OCM: variants seen among roughly 807,000 people sequenced by gnomAD.
OCM encodes oncomodulin, also known as oncomodulin-1.
A neutral mutation model predicts 14.1 loss-of-function variants in OCM; 18 were observed. That is an observed-to-expected ratio of 1.28 (90% CI 0.88 to 1.89). OCM has a LOEUF of 1.89. Ranked by LOEUF, OCM falls within the 40% of genes most tolerant of loss-of-function variation. OCM has a pLI of 0.00. For synonymous variants in OCM, 48 were observed against 51.0 expected (o/e 0.94, Z 0.25); for missense variants, 140 against 137.6 (o/e 1.02, Z -0.09).
chr7:5,865,223 TG>T, the OCM span, among the ~76,000 whole-genome samples: 3 of 152,232 alleles, frequency 2.0e-5, no homozygotes, highest in Non-Finnish European at 4.4e-5. Flanking sequence ...TTCATGTTTT[TG>T]ATCTATTCTA....
the OCM span, among the ~76,000 whole-genome samples, chr7:5,874,704 C>G: frequency 1.3e-5 from 2 of 151,956 alleles, no homozygotes; most frequent in African/African-American, 2.4e-5. Flanking sequence ...CGGGGTAGTG[C>G]TTTGTAACCC....
the OCM span, among the ~76,000 whole-genome samples, chr7:5,868,477 C>T: frequency 6.6e-6 from 1 of 152,076 alleles, no homozygotes. Flanking sequence ...CTTTTCTTCC[C>T]CCAACAATGC....
At chr7:5,859,991 G>A in the OCM span, among the ~76,000 whole-genome samples, 2 of 151,880 alleles carry the variant, frequency 1.3e-5, no homozygotes, top group Non-Finnish European at 2.9e-5. Context: ...CCCAGCCAGT[G>A]TTTTTTTATT....
upstream of OCM, among the ~76,000 whole-genome samples, chr7:5,880,494 T>C (rs1781187547): frequency 6.6e-6 from 1 of 152,128 alleles, no homozygotes; most frequent in Non-Finnish European, 1.5e-5. Flanking sequence ...CTCGGTGGCT[T>C]GCATCTGTCA....
upstream of OCM, chr7:5,879,909 T>C (rs1301339334): frequency 1.3e-5 from 2 of 152,224 alleles, no homozygotes; most frequent in Non-Finnish European, 2.9e-5. Context: ...ATCTGTTGTT[T>C]TGCTCCTTCA....
At chr7:5,875,517 T>G (rs1218225476), upstream of OCM, among the ~76,000 whole-genome samples, 1 of 151,986 alleles carries the variant, frequency 6.6e-6, no homozygotes. Context: ...TACATCACCC[T>G]GGCTGGTCTC....
At chr7:5,870,445 C>T in the OCM span, among the ~76,000 whole-genome samples, 525 of 152,312 alleles carry the variant, frequency 3.4e-3, 2 homozygotes, top group African/African-American at 0.012. Flanking sequence ...CTCATAGCAT[C>T]CTGTCCATTG....
At chr7:5,868,676 T>G in the OCM span, among the ~76,000 whole-genome samples, 1 of 152,192 alleles carries the variant, frequency 6.6e-6, no homozygotes, top group Non-Finnish European at 1.5e-5. Context: ...AGCTTCTGTC[T>G]TCCTTTGAGG....
chr7:5,864,263 C>A, the OCM span, among the ~76,000 whole-genome samples: 1 of 151,382 alleles, frequency 6.6e-6, no homozygotes, highest in African/African-American at 2.4e-5. Flanking sequence ...GGGGAAATCA[C>A]TTGAGCCCAG....
At chr7:5,885,945 G>A in intron 3 of OCM, 119 bp from the exon 4 acceptor site, 1 of 996,724 alleles carries the variant, frequency 1.0e-6, no homozygotes, top group South Asian at 1.4e-5. Flanking sequence ...AGGGGGCCAT[G>A]CCCATCATCT....
the OCM span, among the ~76,000 whole-genome samples, chr7:5,859,933 C>T: frequency 4.6e-5 from 7 of 152,090 alleles, no homozygotes; most frequent in Non-Finnish European, 1.0e-4. Context: ...GGTGATCCAC[C>T]TGCCTTGGCC....
chr7:5,863,056 A>T, the OCM span, among the ~76,000 whole-genome samples: 49 of 152,252 alleles, frequency 3.2e-4, 1 homozygote, highest in Admixed American at 2.0e-3. Context: ...TCCTTTTTTC[A>T]CATATTTACT....
the OCM span, among the ~76,000 whole-genome samples, chr7:5,868,543 A>G: frequency 1.3e-5 from 2 of 151,942 alleles, no homozygotes; most frequent in Non-Finnish European, 2.9e-5. Context: ...TTTTGCCATC[A>G]GTTTCACTGA....
chr7:5,864,349 A>G, the OCM span, among the ~76,000 whole-genome samples: 10 of 148,848 alleles, frequency 6.7e-5, no homozygotes, highest in East Asian at 2.0e-3. Context: ...CTTGTCTCAA[A>G]AAAAAAAAAA....
intron 3 of OCM, among the ~76,000 whole-genome samples, chr7:5,885,370 C>G (rs1331188195): frequency 1.3e-5 from 2 of 152,096 alleles, no homozygotes; most frequent in Admixed American, 6.6e-5. Context: ...GAAAGAAAAT[C>G]TCCCCTTCCT....
At chr7:5,876,805 C>CTTTT, upstream of OCM, among the ~76,000 whole-genome samples, 1 of 140,378 alleles carries the variant, frequency 7.1e-6, no homozygotes, top group African/African-American at 2.6e-5. Flanking sequence ...TTGTCTACTT[C>CTTTT]TTTTTTTTTT....
In OCM at chr7:5,882,616, A is replaced by G. The variant is rs1369898937; in HGVS notation, c.185A>G (p.Glu62Gly). 6.2e-7 allele frequency: 1 copy of G among 1,614,066 alleles called. No homozygotes were observed. Among genetic ancestry groups the G allele is most frequent in the Admixed American group, 1.7e-5 (1 of 59,996 alleles). Reference protein sequence around the residue: ...DNDQSGYLDEEELKFFLQKFE... With the variant: ...DNDQSGYLDEGELKFFLQKFE... ...GACCAGAGCGGGTACCTGGATGAAG[A>G]AGAGCTTAAGTAAGCTTTGTCCTGA... The change falls in exon 2 of 4, where the codon GAA becomes GGA. Residue 62 changes from glutamate (E) to glycine (G), a missense_variant. Transcript: ENST00000242104.
At chr7:5,879,688 TTTG>T (rs934375258), upstream of OCM, 13 of 150,658 alleles carry the variant, frequency 8.6e-5, no homozygotes, top group East Asian at 1.2e-3. Context: ...TTTGTTGAAG[TTTG>T]TTGTTGTTTT....
At chr7:5,879,623 C>T (rs1781166879), upstream of OCM, among the ~76,000 whole-genome samples, 1 of 151,816 alleles carries the variant, frequency 6.6e-6, no homozygotes, top group Non-Finnish European at 1.5e-5. Flanking sequence ...CATCTAGAAC[C>T]TTCTCCACAC....
Sources: gnomAD v4.1 joint callset for allele counts (sites outside exome capture counted in the v4.1 genomes callset) on GRCh38, gnomAD v4.1.1 for gene constraint, MANE v1.5 for transcripts, NCBI Gene and HGNC (gene_info 2026-07-23, HGNC 2026-07-21) for gene names.